Variants in EPB41L4B observed in about 807,000 individuals in gnomAD.
EPB41L4B encodes the protein erythrocyte membrane protein band 4.1 like 4B, also known as band 4.1-like protein 4B.
EPB41L4B carries 30 observed loss-of-function variants against 112.5 expected under a neutral mutation model. The ratio of observed to expected loss-of-function variants is 0.27; its 90% CI spans 0.20 to 0.36. EPB41L4B has a LOEUF of 0.36. Among genes scored for constraint, EPB41L4B ranks in the 10% least tolerant of loss-of-function variants. EPB41L4B has a pLI of 1.00. For synonymous variants in EPB41L4B, 408 were observed against 439.7 expected (o/e 0.93, Z 0.90); for missense variants, 1,024 against 1,133.3 (o/e 0.90, Z 1.38).
intron 17 of EPB41L4B, among the ~76,000 whole-genome samples, chr9:109,211,605 A>C (rs903098764): frequency 2.0e-5 from 3 of 151,960 alleles, no homozygotes; most frequent in African/African-American, 7.2e-5. Flanking sequence ...AAAAAAAAAA[A>C]AAAATCAAAG....
rs752535273 is a variant in EPB41L4B, at chr9:109,200,286, C to T, written c.1995G>A (p.Lys665=). The T allele has an allele frequency of 6.2e-7, 1 of 1,614,010 alleles. No individual in the cohort carries two copies. The highest frequency in any genetic ancestry group is 1.3e-5 in the African/African-American group (1 of 74,908). ...TCACTCGGGGAGGCTTGATTTCCGG[C>T]TTTTCCACAGCTGGCTGGGCAGTTT... ...RVETAQPAVE[K]PEIKPPRVRK... The change falls in exon 20 of 26, where the codon AAG becomes AAA. Residue 665 remains lysine, a synonymous_variant. Coordinates refer to ENST00000374566, the MANE Select transcript of EPB41L4B (RefSeq NM_019114.5).
intron 24 of EPB41L4B, among the ~76,000 whole-genome samples, chr9:109,177,958 GCCC>G (rs1831904945): frequency 6.6e-6 from 1 of 150,908 alleles, no homozygotes; most frequent in East Asian, 2.0e-4. Flanking sequence ...TCACTCTGTT[GCCC>G]AGGCTGGAGT....
At chr9:109,221,744 G>A (rs1833580336) in intron 15 of EPB41L4B, among the ~76,000 whole-genome samples, 2 of 152,184 alleles carry the variant, frequency 1.3e-5, no homozygotes, top group Non-Finnish European at 2.9e-5. Flanking sequence ...CCATCACGTG[G>A]GTAACAAAGA....
chr9:109,209,918 G>A (rs1407796302), intron 17 of EPB41L4B, among the ~76,000 whole-genome samples: 5 of 152,222 alleles, frequency 3.3e-5, no homozygotes, highest in Non-Finnish European at 7.3e-5. Context: ...AAATGGTGAT[G>A]TTGGTTACTC....
chr9:109,271,440 A>G (rs1835616452), intron 2 of EPB41L4B, among the ~76,000 whole-genome samples: 1 of 152,238 alleles, frequency 6.6e-6, no homozygotes, highest in Non-Finnish European at 1.5e-5. Flanking sequence ...TCACAATCCT[A>G]AAATGAGAGA....
At chr9:109,241,314 A>C in intron 15 of EPB41L4B, 1 of 1,032,532 alleles carries the variant, frequency 9.7e-7, no homozygotes, top group South Asian at 3.7e-5. Flanking sequence ...TATGCTGAGC[A>C]ATCTTCCCAA....
At chr9:109,259,388 C>G (rs947324844) in intron 6 of EPB41L4B, among the ~76,000 whole-genome samples, 6 of 152,234 alleles carry the variant, frequency 3.9e-5, no homozygotes, top group Admixed American at 3.3e-4. Flanking sequence ...GGCCTAAGAA[C>G]TGGCTTTTCT....
chr9:109,224,636 T>C (rs934690267), intron 15 of EPB41L4B, among the ~76,000 whole-genome samples: 6 of 152,008 alleles, frequency 3.9e-5, no homozygotes, highest in Admixed American at 3.9e-4. Flanking sequence ...GCAGCGATGG[T>C]TGCACAACTT....
chr9:109,281,683 C>CATAAATAA (rs201132051), intron 1 of EPB41L4B, among the ~76,000 whole-genome samples: 28 of 138,562 alleles, frequency 2.0e-4, no homozygotes, highest in Non-Finnish European at 2.6e-4. Flanking sequence ...GACTCCGTCT[C>CATAAATAA]ATAAATAAAT....
chr9:109,312,982 T>C (rs972449368), intron 1 of EPB41L4B, among the ~76,000 whole-genome samples: 3 of 152,092 alleles, frequency 2.0e-5, no homozygotes, highest in Non-Finnish European at 4.4e-5. Flanking sequence ...GGCTCACACG[T>C]GTAATCCCAG....
chr9:109,303,522 T>G (rs1205003828), intron 1 of EPB41L4B, among the ~76,000 whole-genome samples: 6 of 151,854 alleles, frequency 4.0e-5, no homozygotes, highest in Non-Finnish European at 7.4e-5. Flanking sequence ...GTTTTTTTTG[T>G]TTTTGTTTTT....
intron 1 of EPB41L4B, among the ~76,000 whole-genome samples, chr9:109,306,689 G>A (rs895418055): frequency 1.3e-5 from 2 of 152,196 alleles, no homozygotes; most frequent in Non-Finnish European, 2.9e-5. Flanking sequence ...AATCTTGGTG[G>A]CAGTAGTCTG....
chr9:109,223,467 A>C (rs1833661598), intron 15 of EPB41L4B, among the ~76,000 whole-genome samples: 2 of 151,482 alleles, frequency 1.3e-5, no homozygotes, highest in African/African-American at 4.9e-5. Flanking sequence ...TGCATATTGC[A>C]TAATGGTATC....
intron 1 of EPB41L4B, among the ~76,000 whole-genome samples, chr9:109,303,669 C>CT (rs1384861536): frequency 6.6e-6 from 1 of 151,222 alleles, no homozygotes; most frequent in African/African-American, 2.4e-5. Context: ...TTTTTCTTTT[C>CT]TTTTCTTTTC....
At chr9:109,203,849 C>T in intron 18 of EPB41L4B, 119 bp from the exon 19 acceptor site, 1 of 753,700 alleles carries the variant, frequency 1.3e-6, no homozygotes, top group South Asian at 1.6e-5. Flanking sequence ...AGAGGTAGTT[C>T]ACCAAGTACT....
At position 109,277,731 on chromosome 9, in the gene EPB41L4B, C is replaced by T. The variant is rs189596446; in HGVS notation, c.411+2086G>A. 8.5e-5 allele frequency among the ~76,000 whole-genome samples: 13 copies of T among 152,170 alleles called. No homozygotes were observed. In the East Asian group the frequency reaches 2.1e-3, roughly 25 times the overall value. The stretch of plus-strand genomic sequence containing the variant: ...CAAGTGAGGACACAGGTGAGGTGGC[C>T]GAGGCCTGGCTGGGGCTGGGAGGAA... On this transcript the variant is annotated intron_variant, in intron 2 of 25. Transcript: ENST00000374566.
intron 13 of EPB41L4B, among the ~76,000 whole-genome samples, chr9:109,248,084 T>C (rs901531173): frequency 1.3e-5 from 2 of 152,224 alleles, no homozygotes; most frequent in African/African-American, 2.4e-5. Context: ...GAGGTCCTGT[T>C]TCAGTTGGGC....
chr9:109,256,580 G>C, intron 7 of EPB41L4B, 100 bp from the exon 8 acceptor site: 1 of 960,910 alleles, frequency 1.0e-6, no homozygotes, highest in Non-Finnish European at 1.6e-6. Flanking sequence ...AGCAATTAAA[G>C]CAATGAGGGA....
intron 17 of EPB41L4B, among the ~76,000 whole-genome samples, chr9:109,211,910 G>T (rs922559871): frequency 2.7e-5 from 4 of 150,476 alleles, no homozygotes; most frequent in African/African-American, 4.9e-5. Context: ...GAGATGGGGG[G>T]GGTCTCGCCA....
Sources: gnomAD v4.1 joint callset for allele counts (sites outside exome capture counted in the v4.1 genomes callset) on GRCh38, gnomAD v4.1.1 for gene constraint, MANE v1.5 for transcripts, NCBI Gene and HGNC (gene_info 2026-07-23, HGNC 2026-07-21) for gene names.